The following ADCY2 variants were observed in gnomAD, a reference collection of about 807,000 sequenced individuals.
The protein encoded by ADCY2 is adenylate cyclase type 2.
Under a neutral mutation model 125.2 loss-of-function variants are expected in ADCY2, and 31 were observed. The observed-to-expected ratio is 0.25, with a 90% CI of 0.19 to 0.33. The LOEUF is 0.33. Ranked by LOEUF, ADCY2 falls within the 10% of genes least tolerant of loss-of-function variation. The probability of loss-of-function intolerance (pLI) is 1.00; values close to 1 mark genes in which losing one functional copy is unlikely to be tolerated. For synonymous variants in ADCY2, 512 were observed against 548.4 expected (o/e 0.93, Z 0.93); for missense variants, 904 against 1,418.2 (o/e 0.64, Z 5.82).
At chr5:7,483,569 A>C (rs1742815004) in intron 2 of ADCY2, among the ~76,000 whole-genome samples, 1 of 152,228 alleles carries the variant, frequency 6.6e-6, no homozygotes, top group South Asian at 2.1e-4. Context: ...GCTTCTTCAC[A>C]TTAAGACTTT....
At chr5:7,659,651 A>G (rs893095246) in intron 4 of ADCY2, among the ~76,000 whole-genome samples, 3 of 152,228 alleles carry the variant, frequency 2.0e-5, no homozygotes, top group African/African-American at 7.2e-5. Context: ...AGGATAAGTA[A>G]TACCTCTGCT....
chr5:7,668,424 T>C (rs1361810652), intron 4 of ADCY2, among the ~76,000 whole-genome samples: 1 of 151,934 alleles, frequency 6.6e-6, no homozygotes, highest in Non-Finnish European at 1.5e-5. Context: ...AAAGTAAATG[T>C]TCTCTCTCTC....
chr5:7,444,689 A>G (rs1444880606), intron 2 of ADCY2, among the ~76,000 whole-genome samples: 2 of 152,108 alleles, frequency 1.3e-5, no homozygotes, highest in African/African-American at 4.8e-5. Context: ...GATGAGCATG[A>G]TATTGCTGGC....
intron 3 of ADCY2, among the ~76,000 whole-genome samples, chr5:7,553,741 C>T (rs1346934354): frequency 4.6e-5 from 7 of 152,160 alleles, no homozygotes; most frequent in Non-Finnish European, 8.8e-5. Context: ...CTTGCTCCCA[C>T]TGTGCATGAA....
intron 15 of ADCY2, among the ~76,000 whole-genome samples, chr5:7,752,379 C>T (rs1742854549): frequency 6.6e-6 from 1 of 152,020 alleles, no homozygotes; most frequent in African/African-American, 2.4e-5. Flanking sequence ...AACATGAAAC[C>T]ACTATATTTT....
chr5:7,826,994 C>T lies in ADCY2; in HGVS notation c.*123C>T. 8.3e-7 allele frequency: 1 copy of T among 1,207,620 alleles called. No homozygotes were observed. Among genetic ancestry groups the T allele is most frequent in the Non-Finnish European group, 1.1e-6 (1 of 874,744 alleles). The allele number at this position is 1,207,620 out of a possible 1,614,324, so 74.8% of individuals were successfully genotyped here. A position where few individuals can be genotyped will look rare whatever the true frequency, so the allele number is the denominator to read the frequency against. On this transcript the variant is annotated 3_prime_UTR_variant, in exon 25 of 25. Coordinates refer to ENST00000338316, the MANE Select transcript of ADCY2 (RefSeq NM_020546.3). ...GTCTGTCCTATGGAGCCTCTGCAGA[C>T]TCGTTCTCGTGACCCAGTGGCATAC...
At chr5:7,401,161 C>A (rs1739250107) in intron 1 of ADCY2, among the ~76,000 whole-genome samples, 1 of 152,178 alleles carries the variant, frequency 6.6e-6, no homozygotes, top group African/African-American at 2.4e-5. Flanking sequence ...ACATGCAAAG[C>A]CCTTAGAACA....
intron 2 of ADCY2, among the ~76,000 whole-genome samples, chr5:7,476,390 G>A (rs1003654641): frequency 6.6e-6 from 1 of 152,172 alleles, no homozygotes; most frequent in Non-Finnish European, 1.5e-5. Context: ...TGAGACAGGA[G>A]GAAAACAGCG....
chr5:7,717,843 G>A lies in ADCY2; in HGVS notation c.1703+606G>A, dbSNP rs574875684. Among the ~76,000 whole-genome samples the A allele has an allele frequency of 1.5e-3, 221 of 152,276 alleles. 2 individuals are homozygous for A. Among genetic ancestry groups the A allele is most frequent in the Admixed American group, 2.6e-3 (40 of 15,298 alleles). ...GCTCATCACCCTTCATGTTCTCCTT[G>A]GGTACGTGTGTCATAACTGAACCCA... On this transcript the variant is annotated intron_variant, in intron 12 of 24. Transcript: ENST00000338316.
intron 10 of ADCY2, 36 bp from the exon 11 acceptor site, chr5:7,712,820 T>C (rs2126366797): frequency 6.8e-7 from 1 of 1,470,144 alleles, no homozygotes. Context: ...TCTTGAAACA[T>C]GTTTTGACAA....
intron 2 of ADCY2, among the ~76,000 whole-genome samples, chr5:7,469,776 C>G (rs1278416966): frequency 6.6e-6 from 1 of 151,894 alleles, no homozygotes; most frequent in East Asian, 1.9e-4. Context: ...TGCAAAGCAG[C>G]TAAAAGTTAA....
intron 4 of ADCY2, among the ~76,000 whole-genome samples, chr5:7,672,528 T>A (rs1213649003): frequency 6.6e-6 from 1 of 151,934 alleles, no homozygotes; most frequent in African/African-American, 2.4e-5. Context: ...AGGGTGTTGC[T>A]CTATCACCCA....
intron 11 of ADCY2, among the ~76,000 whole-genome samples, chr5:7,713,206 G>T (rs149792267): frequency 3.9e-3 from 597 of 152,166 alleles, no homozygotes; most frequent in African/African-American, 0.014. Flanking sequence ...AAATGGGTAT[G>T]TTGCTTACAA....
chr5:7,760,471 C>A (rs998412851), intron 16 of ADCY2, among the ~76,000 whole-genome samples: 1 of 152,210 alleles, frequency 6.6e-6, no homozygotes, highest in Non-Finnish European at 1.5e-5. Context: ...TAAAATTAAG[C>A]CGCCTCCTGG....
intron 4 of ADCY2, among the ~76,000 whole-genome samples, chr5:7,627,733 G>T (rs1738182302): frequency 6.6e-6 from 1 of 152,158 alleles, no homozygotes; most frequent in Non-Finnish European, 1.5e-5. Context: ...TCTATGTGTG[G>T]ACTGCTGAAT....
At chr5:7,700,279 C>T (rs1741035620) in intron 7 of ADCY2, among the ~76,000 whole-genome samples, 1 of 152,066 alleles carries the variant, frequency 6.6e-6, no homozygotes, top group Non-Finnish European at 1.5e-5. Flanking sequence ...ATATCATTAC[C>T]ATTGACTAGC....
intron 3 of ADCY2, among the ~76,000 whole-genome samples, chr5:7,596,366 C>A (rs1378263745): frequency 6.6e-6 from 1 of 152,112 alleles, no homozygotes; most frequent in African/African-American, 2.4e-5. Flanking sequence ...ACCGTTTCCT[C>A]ACTAACAATA....
At chr5:7,663,721 G>A (rs1382301080) in intron 4 of ADCY2, among the ~76,000 whole-genome samples, 4 of 152,206 alleles carry the variant, frequency 2.6e-5, no homozygotes, top group East Asian at 1.9e-4. Context: ...GCTGTTGGAC[G>A]AAGCATATTT....
intron 3 of ADCY2, among the ~76,000 whole-genome samples, chr5:7,613,235 T>G (rs1257480626): frequency 6.6e-6 from 1 of 151,488 alleles, no homozygotes; most frequent in African/African-American, 2.4e-5. Flanking sequence ...GGAGAAGCCC[T>G]AGGAATCCCA....
Sources: gnomAD v4.1 joint callset for allele counts (sites outside exome capture counted in the v4.1 genomes callset) on GRCh38, gnomAD v4.1.1 for gene constraint, MANE v1.5 for transcripts, NCBI Gene and HGNC (gene_info 2026-07-23, HGNC 2026-07-21) for gene names.